Variants in LAMA2 observed in about 807,000 individuals in gnomAD.
LAMA2 encodes laminin subunit alpha-2.
Under a neutral mutation model 364.8 loss-of-function variants are expected in LAMA2, and 269 were observed. The observed-to-expected ratio is 0.74, with a 90% CI of 0.67 to 0.82. LAMA2 has a LOEUF of 0.82. Ranked by LOEUF, LAMA2 falls within the 40% of genes least tolerant of loss-of-function variation. LAMA2 has a pLI of 0.00. For missense variants in LAMA2, 3,807 were observed against 3,873.2 expected (o/e 0.98, Z 0.45); for synonymous variants, 1,379 against 1,370.6 (o/e 1.01, Z -0.14).
chr6:129,252,127 T>C lies in LAMA2; in HGVS notation c.1928T>C (p.Leu643Pro). The change falls in exon 14 of 65, where the codon CTG becomes CCG. Residue 643 changes from leucine (L) to proline (P), a missense_variant. Physicochemically the swap from Leu to Pro is moderately conservative, Grantham distance 98. Transcript: ENST00000421865. ...SISTAQDEVY[L>P]HPSEEHTNVL... ...AGCACAGCCCAAGATGAGGTGTACCTGCACCCATCTGAAGAACATACTAAT... is the reference window on the plus strand; with the variant it reads ...AGCACAGCCCAAGATGAGGTGTACCCGCACCCATCTGAAGAACATACTAAT... 1.2e-6 allele frequency: 2 copies of C among 1,613,716 alleles called. No homozygotes were observed. The highest frequency in any genetic ancestry group is 1.7e-6 in the Non-Finnish European group (2 of 1,179,708).
chr6:129,327,561 C>T lies in LAMA2; in HGVS notation c.4177-717C>T, dbSNP rs565646434. The stretch of plus-strand genomic sequence containing the variant: ...TGAGCCTGAAACACAAGACGGTTTT[C>T]ATCTTCGTGCCAGAGCTGTGGACTA... On this transcript the variant is annotated intron_variant, in intron 28 of 64. Coordinates refer to ENST00000421865, the MANE Select transcript of LAMA2 (RefSeq NM_000426.4). Among the ~76,000 whole-genome samples, 9 of 152,320 alleles carry T rather than the reference C, an allele frequency of 5.9e-5. No homozygotes were observed. The South Asian group carries it at 1.9e-3, about 32-fold the overall frequency.
At chr6:129,039,842 G>T (rs914357602) in intron 1 of LAMA2, among the ~76,000 whole-genome samples, 2 of 152,178 alleles carry the variant, frequency 1.3e-5, no homozygotes. Context: ...CAGAGCTCAG[G>T]TGGTAATGCT....
At chr6:129,336,673 T>C (rs1418851790) in intron 29 of LAMA2, among the ~76,000 whole-genome samples, 1 of 152,222 alleles carries the variant, frequency 6.6e-6, no homozygotes, top group African/African-American at 2.4e-5. Context: ...TTTGTTTAAA[T>C]AGATGTTTGA....
intron 9 of LAMA2, among the ~76,000 whole-genome samples, chr6:129,170,634 A>G (rs2115002198): frequency 6.6e-6 from 1 of 151,124 alleles, no homozygotes. Flanking sequence ...AAAAATGTAT[A>G]TTCTGTTGAT....
At chr6:128,962,146 AT>A (rs2114597296) in intron 1 of LAMA2, among the ~76,000 whole-genome samples, 1 of 72,188 alleles carries the variant, frequency 1.4e-5, no homozygotes, top group Non-Finnish European at 2.6e-5. Context: ...GACCATATAT[AT>A]ATATATATAT....
At chr6:129,111,076 G>A (rs1412636608) in intron 4 of LAMA2, among the ~76,000 whole-genome samples, 2 of 152,002 alleles carry the variant, frequency 1.3e-5, no homozygotes, top group Admixed American at 6.6e-5. Context: ...AAGTAACCCA[G>A]GAGTGGAATG....
At chr6:128,940,208 G>A (rs1462860962) in intron 1 of LAMA2, among the ~76,000 whole-genome samples, 1 of 151,770 alleles carries the variant, frequency 6.6e-6, no homozygotes, top group Non-Finnish European at 1.5e-5. Flanking sequence ...TTACCCTACT[G>A]AATTTTCAAA....
intron 30 of LAMA2, among the ~76,000 whole-genome samples, chr6:129,342,835 A>G (rs1776343725): frequency 6.6e-6 from 1 of 152,308 alleles, no homozygotes; most frequent in South Asian, 2.1e-4. Context: ...GTTCGGGTGC[A>G]TATTATATAA....
At chr6:129,346,517 C>A (rs1776563513) in intron 30 of LAMA2, among the ~76,000 whole-genome samples, 1 of 151,986 alleles carries the variant, frequency 6.6e-6, no homozygotes, top group Admixed American at 6.5e-5. Flanking sequence ...CATCCCAACA[C>A]TATGAATAAA....
intron 14 of LAMA2, among the ~76,000 whole-genome samples, chr6:129,253,031 C>T (rs1267682632): frequency 2.0e-5 from 3 of 152,094 alleles, no homozygotes; most frequent in African/African-American, 7.2e-5. Flanking sequence ...TTCTTGTTCT[C>T]CCCGCCCCCT....
intron 1 of LAMA2, among the ~76,000 whole-genome samples, chr6:129,028,837 A>G (rs533072254): frequency 6.6e-6 from 1 of 151,952 alleles, no homozygotes; most frequent in East Asian, 1.9e-4. Flanking sequence ...ATTTCATTAC[A>G]TTAATTATCT....
intron 62 of LAMA2, among the ~76,000 whole-genome samples, chr6:129,508,494 C>T (rs1323714191): frequency 6.6e-6 from 1 of 151,798 alleles, no homozygotes; most frequent in Non-Finnish European, 1.5e-5. Flanking sequence ...GTATCATTAA[C>T]CATCCCTACT....
At chr6:129,371,632 A>G (rs1453176028) in intron 34 of LAMA2, among the ~76,000 whole-genome samples, 2 of 144,356 alleles carry the variant, frequency 1.4e-5, no homozygotes, top group Non-Finnish European at 3.0e-5. Flanking sequence ...TTTGAGACAG[A>G]GTCTTGCTCT....
intron 20 of LAMA2, among the ~76,000 whole-genome samples, chr6:129,295,802 A>AGT (rs1248355052): frequency 7.6e-3 from 38 of 4,990 alleles, no homozygotes; most frequent in Admixed American, 0.025. Flanking sequence ...TATATATATG[A>AGT]GTGTGTATAT....
chr6:129,200,223 T>C (rs535553882), intron 12 of LAMA2, among the ~76,000 whole-genome samples: 3 of 90,980 alleles, frequency 3.3e-5, no homozygotes, highest in East Asian at 2.1e-4. Flanking sequence ...TGTATATATA[T>C]ACGTGTACAC....
At chr6:129,322,362 G>A (rs1016421134) in intron 28 of LAMA2, among the ~76,000 whole-genome samples, 28 of 152,316 alleles carry the variant, frequency 1.8e-4, no homozygotes, top group Admixed American at 1.5e-3. Flanking sequence ...AACTGAGACT[G>A]TGTGGCACAT....
intron 31 of LAMA2, among the ~76,000 whole-genome samples, chr6:129,352,639 C>T (rs1776917473): frequency 6.6e-6 from 1 of 152,116 alleles, no homozygotes; most frequent in African/African-American, 2.4e-5. Context: ...TTGCACTCAT[C>T]TCTAATTATA....
intron 4 of LAMA2, among the ~76,000 whole-genome samples, chr6:129,142,679 C>T (rs1189108697): frequency 6.6e-6 from 1 of 151,936 alleles, no homozygotes; most frequent in Non-Finnish European, 1.5e-5. Context: ...AGTTACTGCT[C>T]AATTGACTTT....
chr6:128,934,173 A>G (rs1039916791), intron 1 of LAMA2, among the ~76,000 whole-genome samples: 1 of 152,200 alleles, frequency 6.6e-6, no homozygotes, highest in Admixed American at 6.5e-5. Context: ...AGTTTCCCCA[A>G]TACAGTTTAT....
Sources: gnomAD v4.1 joint callset for allele counts (sites outside exome capture counted in the v4.1 genomes callset) on GRCh38, gnomAD v4.1.1 for gene constraint, MANE v1.5 for transcripts, NCBI Gene and HGNC (gene_info 2026-07-23, HGNC 2026-07-21) for gene names.